Variants in DLGAP2 observed in about 807,000 individuals in gnomAD.
DLGAP2 encodes disks large-associated protein 2.
Under a neutral mutation model 100.3 loss-of-function variants are expected in DLGAP2, and 26 were observed. That is an observed-to-expected ratio of 0.26 (90% confidence interval 0.19 to 0.36). The LOEUF is 0.36. Among genes scored for constraint, DLGAP2 ranks in the 10% least tolerant of loss-of-function variants. The pLI is 1.00. For missense variants in DLGAP2, 1,858 were observed against 1,453.2 expected, an observed-to-expected ratio of 1.28 and a Z score of -4.53; for synonymous variants, 886 against 630.1, an observed-to-expected ratio of 1.41 and a Z score of -6.08.
chr8:749,024 G>A (rs1461576696), intron 1 of DLGAP2, among the ~76,000 whole-genome samples: 1 of 152,124 alleles, frequency 6.6e-6, no homozygotes, highest in Non-Finnish European at 1.5e-5. Flanking sequence ...TATGTGAGAG[G>A]GGGCCTTGCT....
chr8:780,553 T>C (rs1821655775), intron 1 of DLGAP2, among the ~76,000 whole-genome samples: 1 of 152,214 alleles, frequency 6.6e-6, no homozygotes, highest in Non-Finnish European at 1.5e-5. Context: ...CTGCACAGTT[T>C]TCCACAGCAT....
chr8:1,287,193 A>C (rs111659465), intron 3 of DLGAP2, among the ~76,000 whole-genome samples: 1 of 95,472 alleles, frequency 1.0e-5, no homozygotes, highest in African/African-American at 4.8e-5. Flanking sequence ...GAGGGGAACT[A>C]GTTTTGGTTC....
intron 8 of DLGAP2, among the ~76,000 whole-genome samples, chr8:1,633,847 G>C (rs572344038): frequency 6.6e-6 from 1 of 152,334 alleles, no homozygotes; most frequent in South Asian, 2.1e-4. Context: ...GGACAGCTCC[G>C]AGGGGAAATA....
At chr8:1,007,940 G>A (rs568947562) in intron 2 of DLGAP2, among the ~76,000 whole-genome samples, 5 of 152,174 alleles carry the variant, frequency 3.3e-5, no homozygotes, top group African/African-American at 1.2e-4. Flanking sequence ...CGCCCGGTCC[G>A]TCTCGCTGGT....
chr8:1,156,870 C>G (rs945454940), intron 2 of DLGAP2, among the ~76,000 whole-genome samples: 2 of 152,160 alleles, frequency 1.3e-5, no homozygotes, highest in African/African-American at 4.8e-5. Flanking sequence ...CTGATTTCCA[C>G]GCGAAGATGA....
intron 3 of DLGAP2, among the ~76,000 whole-genome samples, chr8:1,467,713 C>T (rs578250552): frequency 1.3e-5 from 2 of 152,286 alleles, no homozygotes; most frequent in African/African-American, 4.8e-5. Flanking sequence ...GGGAGCGTGG[C>T]CTGGCTGCTC....
intron 3 of DLGAP2, among the ~76,000 whole-genome samples, chr8:1,261,689 A>G (rs1224070328): frequency 2.0e-5 from 3 of 152,142 alleles, no homozygotes; most frequent in African/African-American, 7.2e-5. Flanking sequence ...ATCAGGGAGG[A>G]GGAAGGGTTT....
chr8:1,070,581 A>G (rs1461253652), intron 2 of DLGAP2, among the ~76,000 whole-genome samples: 1 of 152,284 alleles, frequency 6.6e-6, no homozygotes, highest in Middle Eastern at 3.4e-3. Flanking sequence ...CTCATGTTCC[A>G]AACAGAAAGA....
At chr8:1,534,118 A>G (rs1801075885) in intron 4 of DLGAP2, among the ~76,000 whole-genome samples, 1 of 151,682 alleles carries the variant, frequency 6.6e-6, no homozygotes, top group Non-Finnish European at 1.5e-5. Flanking sequence ...GCAAAAATAT[A>G]ATCACCCAAA....
chr8:1,091,429 C>T (rs1804178484), intron 2 of DLGAP2, among the ~76,000 whole-genome samples: 1 of 152,220 alleles, frequency 6.6e-6, no homozygotes, highest in Non-Finnish European at 1.5e-5. Flanking sequence ...AAGACGCTAA[C>T]TATTAAAAAC....
In DLGAP2 at chr8:1,311,806, C is replaced by G. The variant is rs528383998; in HGVS notation, c.106+52923C>G. On this transcript the variant is annotated intron_variant, in intron 3 of 14. Transcript: ENST00000637795. The stretch of plus-strand genomic sequence containing the variant: ...CAGCCAAGACATCCAGTTTCCTGTC[C>G]AACATTATGCAATAATAGAGGGAAT... 4.6e-5 allele frequency among the ~76,000 whole-genome samples: 7 copies of G among 152,178 alleles called. No homozygotes were observed. The South Asian group carries it at 1.5e-3, about 32-fold the overall frequency.
intron 1 of DLGAP2, among the ~76,000 whole-genome samples, chr8:902,947 G>GGGGCGGGGGCGGTGGAACGTGTTCGGGT (rs1563087635): frequency 9.6e-5 from 6 of 62,270 alleles, no homozygotes; most frequent in African/African-American, 4.0e-4. Context: ...CAGGTGGGTG[G>GGGGCGGGGGCGGTGGAACGTGTTCGGGT]GGGCGGGGGC....
At chr8:756,319 G>C (rs1256026135) in intron 1 of DLGAP2, among the ~76,000 whole-genome samples, 1 of 152,242 alleles carries the variant, frequency 6.6e-6, no homozygotes, top group South Asian at 2.1e-4. Flanking sequence ...GGGCAGGTTG[G>C]GGCTGACGGC....
rs975417732 is a variant in DLGAP2, at chr8:1,178,272, T to G, written c.74-80579T>G. Reference sequence around the variant, plus strand: ...CGTGATAGCATTTGGTGGGTGAGGTTAGAGGGCTGTGAATTGTTCTTTTCT... The same window carrying G: ...CGTGATAGCATTTGGTGGGTGAGGTGAGAGGGCTGTGAATTGTTCTTTTCT... On this transcript the variant is annotated intron_variant, in intron 2 of 14. Coordinates refer to ENST00000637795, the MANE Select transcript of DLGAP2 (RefSeq NM_001346810.2). Among the ~76,000 whole-genome samples, 3 of 152,316 alleles carry G rather than the reference T, an allele frequency of 2.0e-5. No individual in the cohort carries two copies. In the South Asian group the frequency reaches 6.2e-4, roughly 32 times the overall value.
chr8:1,098,406 GCTC>G (rs904870031), intron 2 of DLGAP2, among the ~76,000 whole-genome samples: 4 of 152,192 alleles, frequency 2.6e-5, no homozygotes, highest in Non-Finnish European at 4.4e-5. Flanking sequence ...CGTGTGACTG[GCTC>G]CTCCTCACGA....
intron 2 of DLGAP2, among the ~76,000 whole-genome samples, chr8:971,512 C>T (rs1366459422): frequency 6.6e-6 from 1 of 152,166 alleles, no homozygotes; most frequent in Non-Finnish European, 1.5e-5. Flanking sequence ...AGTCAGCACC[C>T]ACTGGGAGCA....
At chr8:994,924 G>A (rs988656847) in intron 2 of DLGAP2, among the ~76,000 whole-genome samples, 4 of 152,188 alleles carry the variant, frequency 2.6e-5, no homozygotes, top group East Asian at 1.9e-4. Context: ...AAGGAAAATC[G>A]GACAACGGTG....
At chr8:1,053,141 CT>C (rs1802771299) in intron 2 of DLGAP2, among the ~76,000 whole-genome samples, 1 of 152,274 alleles carries the variant, frequency 6.6e-6, no homozygotes, top group Non-Finnish European at 1.5e-5. Context: ...GTACGTTTTG[CT>C]TTGTAATTTT....
At chr8:1,244,972 A>G (rs1798873329) in intron 2 of DLGAP2, among the ~76,000 whole-genome samples, 1 of 152,210 alleles carries the variant, frequency 6.6e-6, no homozygotes, top group Admixed American at 6.5e-5. Context: ...CAGGCAATTC[A>G]CCCACAGAAG....
Sources: gnomAD v4.1 joint callset for allele counts (sites outside exome capture counted in the v4.1 genomes callset) on GRCh38, gnomAD v4.1.1 for gene constraint, MANE v1.5 for transcripts, NCBI Gene and HGNC (gene_info 2026-07-23, HGNC 2026-07-21) for gene names.